Variants in NELL2 observed in about 807,000 individuals in gnomAD.
NELL2 encodes the protein protein kinase C-binding protein NELL2.
In NELL2, 41 loss-of-function variants were observed where a neutral mutation model predicts 109.6. The observed-to-expected ratio is 0.37, with a 90% confidence interval of 0.29 to 0.49. The LOEUF is 0.49. NELL2 is among the 20% of genes least tolerant of loss of function. The probability of loss-of-function intolerance (pLI) is 0.98; values close to 1 mark genes in which losing one functional copy is unlikely to be tolerated. For missense variants in NELL2, 900 were observed against 1,008.3 expected (o/e 0.89, Z 1.45); for synonymous variants, 355 against 344.7 (o/e 1.03, Z -0.33).
At chr12:44,575,730 G>A (rs1239022139) in intron 15 of NELL2, among the ~76,000 whole-genome samples, 3 of 152,170 alleles carry the variant, frequency 2.0e-5, no homozygotes, top group African/African-American at 4.8e-5. Context: ...ACATTTTCAT[G>A]TATCTTCATT....
At chr12:44,717,268 C>T (rs942090259) in intron 9 of NELL2, among the ~76,000 whole-genome samples, 6 of 152,122 alleles carry the variant, frequency 3.9e-5, no homozygotes, top group Admixed American at 2.6e-4. Flanking sequence ...CATAAAAATG[C>T]CATTAGAATG....
chr12:44,599,650 C>A (rs2136236415), intron 15 of NELL2, among the ~76,000 whole-genome samples: 1 of 152,196 alleles, frequency 6.6e-6, no homozygotes, highest in African/African-American at 2.4e-5. Flanking sequence ...GGGAAAGAAG[C>A]AATATCCGAA....
At chr12:44,651,441 A>C (rs764732224) in intron 13 of NELL2, among the ~76,000 whole-genome samples, 21 of 152,222 alleles carry the variant, frequency 1.4e-4, no homozygotes, top group Non-Finnish European at 2.1e-4. Context: ...AATAAATTAA[A>C]CTTCTAGATT....
At chr12:44,713,199 C>G (rs1259987513) in intron 10 of NELL2, among the ~76,000 whole-genome samples, 15 of 148,304 alleles carry the variant, frequency 1.0e-4, no homozygotes, top group African/African-American at 3.6e-4. Flanking sequence ...CACACACACA[C>G]ACACACACAC....
chr12:44,759,684 T>A (rs879322675), intron 9 of NELL2, among the ~76,000 whole-genome samples: 2 of 152,194 alleles, frequency 1.3e-5, no homozygotes, highest in Non-Finnish European at 2.9e-5. Flanking sequence ...ACTGATAAAA[T>A]GGGCTTCCAA....
At chr12:44,655,107 T>C (rs1396632413) in intron 13 of NELL2, among the ~76,000 whole-genome samples, 2 of 152,146 alleles carry the variant, frequency 1.3e-5, no homozygotes. Flanking sequence ...TATAAAAATC[T>C]TGAAGTGAAA....
intron 2 of NELL2, among the ~76,000 whole-genome samples, chr12:44,840,469 C>CA (rs908685959): frequency 4.0e-5 from 6 of 151,378 alleles, no homozygotes; most frequent in African/African-American, 1.2e-4. Context: ...TTTTTCCTTT[C>CA]AAAAAAAATT....
At chr12:44,841,581 G>A (rs1200633258) in intron 2 of NELL2, among the ~76,000 whole-genome samples, 2 of 152,222 alleles carry the variant, frequency 1.3e-5, no homozygotes, top group African/African-American at 4.8e-5. Context: ...CCACAGAGAA[G>A]CAGAAGAAAA....
intron 15 of NELL2, among the ~76,000 whole-genome samples, chr12:44,538,127 T>G (rs1343197588): frequency 6.6e-6 from 1 of 152,108 alleles, no homozygotes; most frequent in African/African-American, 2.4e-5. Flanking sequence ...GACAAGAAGG[T>G]GGTGACAGCA....
chr12:44,609,351 G>A (rs1183382704), intron 14 of NELL2, among the ~76,000 whole-genome samples: 1 of 152,066 alleles, frequency 6.6e-6, no homozygotes, highest in African/African-American at 2.4e-5. Context: ...TGTAGACAGT[G>A]TGGACACACT....
chr12:44,667,675 T>C (rs1947973306), intron 12 of NELL2, among the ~76,000 whole-genome samples: 1 of 152,196 alleles, frequency 6.6e-6, no homozygotes, highest in Admixed American at 6.5e-5. Flanking sequence ...ACATGTCAAA[T>C]TGAGTTTCTA....
rs1592335027 is a variant in NELL2, at chr12:44,686,697, GC to G, written c.1318+17028del. Among the ~76,000 whole-genome samples the G allele has an allele frequency of 3.3e-5, 5 of 152,092 alleles. No individual in the cohort carries two copies. The East Asian group carries it at 9.7e-4, about 29-fold the overall frequency. ...CCGTGTGAGGTGTCAGTCTGCCCCT[GC>G]TGGGGGGTGCCTCCCAGTTAGTCTG... On this transcript the variant is annotated intron_variant, in intron 12 of 19. Transcript: ENST00000429094.
In NELL2 at chr12:44,744,406, C is replaced by A. The variant is rs577289651; in HGVS notation, c.995-29665G>T. On this transcript the variant is annotated intron_variant, in intron 9 of 19. Transcript: ENST00000429094. Reference sequence around the variant, plus strand: ...ATTAAAAGAACTAGAAAAGCAAGAGCAAACACATTCAAAAGCTAGCAGAAG... The same window carrying A: ...ATTAAAAGAACTAGAAAAGCAAGAGAAAACACATTCAAAAGCTAGCAGAAG... 1.2e-4 allele frequency among the ~76,000 whole-genome samples: 18 copies of A among 152,156 alleles called. No homozygotes were observed. The South Asian group carries it at 3.5e-3, about 30-fold the overall frequency.
intron 2 of NELL2, among the ~76,000 whole-genome samples, chr12:44,867,492 C>A (rs1454589827): frequency 6.6e-6 from 1 of 152,102 alleles, no homozygotes; most frequent in East Asian, 1.9e-4. Flanking sequence ...CAATAAAGTT[C>A]AGATATAACA....
chr12:44,697,630 G>A (rs780071118), intron 12 of NELL2, among the ~76,000 whole-genome samples: 20 of 152,192 alleles, frequency 1.3e-4, no homozygotes, highest in Middle Eastern at 3.4e-3. Flanking sequence ...AGTGCTAATC[G>A]TTCAGTCAGA....
chr12:44,910,948 T>G, intron 1 of NELL2, among the ~76,000 whole-genome samples: 1 of 151,744 alleles, frequency 6.6e-6, no homozygotes, highest in African/African-American at 2.4e-5. Context: ...GAGCTAAACT[T>G]TAGGTACTTT....
chr12:44,900,867 T>C (rs1945652129), intron 1 of NELL2, among the ~76,000 whole-genome samples: 1 of 152,110 alleles, frequency 6.6e-6, no homozygotes, highest in South Asian at 2.1e-4. Context: ...CATGCAGCTG[T>C]AGTCCCAGCT....
chr12:44,519,975 T>G, intron 19 of NELL2, 30 bp downstream of exon 19: 1 of 1,586,986 alleles, frequency 6.3e-7, no homozygotes, highest in African/African-American at 1.3e-5. Flanking sequence ...GCTGGCAAAG[T>G]GCTCACTATT....
At chr12:44,837,745 G>C (rs1257928828) in intron 2 of NELL2, among the ~76,000 whole-genome samples, 1 of 148,522 alleles carries the variant, frequency 6.7e-6, no homozygotes, top group Non-Finnish European at 1.5e-5. Context: ...AAATACTTTT[G>C]CAGGACTCAG....
Sources: gnomAD v4.1 joint callset for allele counts (sites outside exome capture counted in the v4.1 genomes callset) on GRCh38, gnomAD v4.1.1 for gene constraint, MANE v1.5 for transcripts, NCBI Gene and HGNC (gene_info 2026-07-23, HGNC 2026-07-21) for gene names.